FDFT1: variants seen among roughly 807,000 people sequenced by gnomAD.
FDFT1 encodes the protein farnesyl-diphosphate farnesyltransferase 1.
A neutral mutation model predicts 46.8 loss-of-function variants in FDFT1; 68 were observed. The observed-to-expected ratio is 1.45, with a 90% CI of 1.19 to 1.78. The LOEUF (loss-of-function observed/expected upper bound fraction) is 1.78, where lower values mean the gene tolerates loss of function less well. Among genes scored for constraint, FDFT1 ranks in the 40% most tolerant of loss-of-function variants. FDFT1 has a pLI of 0.00. For missense variants in FDFT1, 928 were observed against 524.4 expected, an observed-to-expected ratio of 1.77 and a Z score of -7.52; for synonymous variants, 351 against 185.1, an observed-to-expected ratio of 1.90 and a Z score of -7.28.
In FDFT1 at chr8:11,796,990, T is replaced by C. The variant is rs944712582; in HGVS notation, c.-94+979T>C. Among the ~76,000 whole-genome samples the C allele has an allele frequency of 3.3e-5, 5 of 152,226 alleles. 1 individual carries two copies. The highest frequency in any genetic ancestry group is 1.2e-4 in the African/African-American group (5 of 41,454). On this transcript the variant is annotated intron_variant, in intron 1 of 7. Coordinates refer to the FDFT1 transcript ENST00000538689. ...CAGTCAGATCTATATCTACTTTTAA[T>C]TGCACGCAGATTAAAGGACAGTTTC...
chr8:11,810,871 A>G (rs1464723497), intron 3 of FDFT1, among the ~76,000 whole-genome samples: 7 of 149,774 alleles, frequency 4.7e-5, no homozygotes, highest in Non-Finnish European at 1.0e-4. Context: ...AGCTAAGTGG[A>G]CAGAGAGTCC....
chr8:11,838,573 G>T lies in FDFT1; in HGVS notation c.1218G>T (p.Gln406His). The change falls in exon 8 of 8, where the codon CAG becomes CAT. Residue 406 changes from glutamine (Q) to histidine (H), a missense_variant. Gln to His is a conservative substitution (Grantham distance 24). Coordinates refer to ENST00000220584, the MANE Select transcript of FDFT1 (RefSeq NM_004462.5). ...LSWQYLTTLS[Q>H]VTEDYVQTGE... is the part of the protein sequence containing the mutation. ...GGCAGTACCTGACCACTCTCTCCCA[G>T]GTAACAGAAGACTATGTTCAGACTG... 1 of 1,613,946 alleles carries T rather than the reference G, an allele frequency of 6.2e-7. No individual in the cohort carries two copies. The highest frequency in any genetic ancestry group is 2.2e-5 in the East Asian group (1 of 44,882).
At chr8:11,802,708 T>C (rs1408685311), upstream of FDFT1, 1 of 743,408 alleles carries the variant, frequency 1.3e-6, no homozygotes, top group Non-Finnish European at 2.3e-6. Context: ...GGCGTCGCCG[T>C]ACTAGGCCTG....
chr8:11,828,075 G>A (rs773742482), intron 5 of FDFT1, among the ~76,000 whole-genome samples: 125 of 151,902 alleles, frequency 8.2e-4, no homozygotes, highest in Non-Finnish European at 1.5e-3. Flanking sequence ...GGTGGCATAC[G>A]CTGGTAGGGC....
intron 5 of FDFT1, among the ~76,000 whole-genome samples, chr8:11,828,593 C>T (rs1052178156): frequency 2.6e-5 from 4 of 152,272 alleles, no homozygotes; most frequent in South Asian, 2.1e-4. Flanking sequence ...GCGTGAGCCA[C>T]ACCATCTTGC....
Position 11,826,235 on chromosome 8 carries a change from T to A in FDFT1, c.702+20T>A, listed in dbSNP as rs762161668. On this transcript the variant is annotated intron_variant, in intron 5 of 7. Coordinates refer to ENST00000220584, the MANE Select transcript of FDFT1 (RefSeq NM_004462.5). ...CAAGAGGTAACAGATTCAGGGTATTTTGGGGGAAAATAACTTTAGACATTC... is the reference window on the plus strand; with the variant it reads ...CAAGAGGTAACAGATTCAGGGTATTATGGGGGAAAATAACTTTAGACATTC... 8 of 1,483,006 alleles carry A rather than the reference T, an allele frequency of 5.4e-6. No individual in the cohort carries two copies. The highest frequency in any genetic ancestry group is 9.1e-7 in the Non-Finnish European group (1 of 1,099,856). The allele number at this position is 1,483,006 out of a possible 1,614,324, so 91.9% of individuals were successfully genotyped here.
intron 1 of FDFT1, among the ~76,000 whole-genome samples, chr8:11,807,480 C>T (rs902409808): frequency 1.3e-5 from 2 of 152,136 alleles, no homozygotes; most frequent in African/African-American, 4.8e-5. Context: ...ATAAATGATT[C>T]CAGTCTCTCC....
At chr8:11,810,664 C>T (rs1035164624) in intron 3 of FDFT1, among the ~76,000 whole-genome samples, 1 of 152,074 alleles carries the variant, frequency 6.6e-6, no homozygotes, top group East Asian at 1.9e-4. Context: ...TGCCTAGGTC[C>T]TACTATCCTA....
intron 1 of FDFT1, among the ~76,000 whole-genome samples, chr8:11,796,616 C>T (rs1475422150): frequency 6.6e-6 from 1 of 152,172 alleles, no homozygotes; most frequent in African/African-American, 2.4e-5. Flanking sequence ...TGATTGGAGG[C>T]TTCTGGCCTG....
chr8:11,808,312 G>T, intron 1 of FDFT1: 8 of 1,231,046 alleles, frequency 6.5e-6, no homozygotes, highest in Admixed American at 4.2e-5. Flanking sequence ...CGGCCAGTGG[G>T]TTCTGGTGAG....
At chr8:11,824,638 G>C (rs754533324) in intron 4 of FDFT1, among the ~76,000 whole-genome samples, 112 of 151,882 alleles carry the variant, frequency 7.4e-4, no homozygotes, top group Middle Eastern at 3.4e-3. Context: ...AAGTTAAATC[G>C]ACTTCTTTGT....
At chr8:11,808,667 G>A in intron 1 of FDFT1, 127 bp from the exon 2 acceptor site, 1 of 1,475,072 alleles carries the variant, frequency 6.8e-7, no homozygotes, top group Non-Finnish European at 9.0e-7. Flanking sequence ...GCAAGGACTG[G>A]CCTCGGGGAG....
chr8:11,822,793 G>A (rs182531270), intron 4 of FDFT1, among the ~76,000 whole-genome samples: 56 of 152,318 alleles, frequency 3.7e-4, no homozygotes, highest in Non-Finnish European at 6.0e-4. Context: ...TCCAACGTGG[G>A]TGACAGAGCA....
chr8:11,803,173 C>T (rs985706129), intron 1 of FDFT1: 55 of 1,419,690 alleles, frequency 3.9e-5, no homozygotes, highest in Non-Finnish European at 4.8e-5. Context: ...TTGCGTGGTT[C>T]CCGGTGGTTG....
chr8:11,808,731 CA>C lies in FDFT1; in HGVS notation c.100-62del, dbSNP rs1563301117. Reference sequence around the variant, plus strand: ...CCAGTCCCACTCCCACTCCCACTCCCACTCCCACTCCCACTCCTGCTCCTCG... The same window carrying C: ...CCAGTCCCACTCCCACTCCCACTCCCCTCCCACTCCCACTCCTGCTCCTCG... On this transcript the variant is annotated intron_variant, in intron 1 of 7. Transcript: ENST00000220584. The C allele has an allele frequency of 4.6e-3, 7,297 of 1,575,504 alleles. 278 individuals carry two copies. The African/African-American group carries it at 0.087, about 19-fold the overall frequency.
chr8:11,807,463 C>T (rs1253514641), intron 1 of FDFT1, among the ~76,000 whole-genome samples: 1 of 152,200 alleles, frequency 6.6e-6, no homozygotes, highest in Non-Finnish European at 1.5e-5. Context: ...GCACCCGGCC[C>T]TGTTGGATAA....
chr8:11,833,997 T>G (rs1811212074), intron 7 of FDFT1, among the ~76,000 whole-genome samples: 1 of 152,248 alleles, frequency 6.6e-6, no homozygotes, highest in Non-Finnish European at 1.5e-5. Context: ...AAGTTTTAAA[T>G]GAAAACATTT....
chr8:11,798,982 C>G (rs1270096279), upstream of FDFT1, among the ~76,000 whole-genome samples: 1 of 152,200 alleles, frequency 6.6e-6, no homozygotes, highest in Non-Finnish European at 1.5e-5. Flanking sequence ...GAGGTAGGAG[C>G]TTTATGCTGA....
chr8:11,825,318 G>A (rs1308952461), intron 4 of FDFT1, among the ~76,000 whole-genome samples: 1 of 152,098 alleles, frequency 6.6e-6, no homozygotes, highest in African/African-American at 2.4e-5. Flanking sequence ...AAGGCTGGCA[G>A]ATCAGTTGAG....
Sources: gnomAD v4.1 joint callset for allele counts (sites outside exome capture counted in the v4.1 genomes callset) on GRCh38, gnomAD v4.1.1 for gene constraint, MANE v1.5 for transcripts, NCBI Gene and HGNC (gene_info 2026-07-23, HGNC 2026-07-21) for gene names.